The following VPS37A variants were observed in gnomAD, a reference collection of about 807,000 sequenced individuals.
VPS37A encodes vacuolar protein sorting-associated protein 37A.
In VPS37A, 30 loss-of-function variants were observed where a neutral mutation model predicts 49.8. The observed-to-expected ratio is 0.60, with a 90% CI of 0.45 to 0.82. The LOEUF (loss-of-function observed/expected upper bound fraction) is 0.82. VPS37A is among the 40% of genes least tolerant of loss of function. VPS37A has a pLI of 0.00. For synonymous variants in VPS37A, 195 were observed against 160.6 expected (o/e 1.21, Z -1.62); for missense variants, 593 against 464.4 (o/e 1.28, Z -2.55).
At chr8:17,259,032 T>G (rs1812741512) in intron 1 of VPS37A, among the ~76,000 whole-genome samples, 1 of 152,074 alleles carries the variant, frequency 6.6e-6, no homozygotes, top group Admixed American at 6.5e-5. Flanking sequence ...GATTTTATCT[T>G]TTCAAATAAC....
At chr8:17,263,278 G>C (rs934723854) in intron 1 of VPS37A, among the ~76,000 whole-genome samples, 1 of 151,774 alleles carries the variant, frequency 6.6e-6, no homozygotes, top group Non-Finnish European at 1.5e-5. Flanking sequence ...TGAATGTTTT[G>C]GAATAAGTTT....
chr8:17,315,833 G>T, the VPS37A span, among the ~76,000 whole-genome samples: 1 of 152,090 alleles, frequency 6.6e-6, no homozygotes, highest in African/African-American at 2.4e-5. Context: ...ATAAAGTAGT[G>T]AGACTCAGGC....
intron 1 of VPS37A, among the ~76,000 whole-genome samples, chr8:17,255,545 GATAA>G (rs1812367250): frequency 1.3e-5 from 2 of 152,044 alleles, no homozygotes; most frequent in Admixed American, 1.3e-4. Flanking sequence ...TAAACTAAGT[GATAA>G]ATTATTGTTT....
chr8:17,249,178 C>G (rs1160236648), intron 1 of VPS37A, among the ~76,000 whole-genome samples: 1 of 152,054 alleles, frequency 6.6e-6, no homozygotes, highest in Non-Finnish European at 1.5e-5. Context: ...TTAAATACTA[C>G]AAAGTCTCTT....
intron 11 of VPS37A, among the ~76,000 whole-genome samples, chr8:17,287,975 G>A (rs9325807): frequency 0.54 from 82,240 of 151,950 alleles, 25,162 homozygotes; most frequent in African/African-American, 0.82. Context: ...AATGACAGGC[G>A]TTTCTCATGT....
chr8:17,299,734 T>TA, downstream of VPS37A: 2 of 1,355,296 alleles, frequency 1.5e-6, no homozygotes, highest in Non-Finnish European at 2.0e-6. Context: ...TTTTCCCTTT[T>TA]CATAGCTGCA....
At chr8:17,266,742 G>A (rs375412971) in intron 2 of VPS37A, among the ~76,000 whole-genome samples, 1 of 152,108 alleles carries the variant, frequency 6.6e-6, no homozygotes, top group East Asian at 1.9e-4. Flanking sequence ...GAATATATAA[G>A]TGCTGTGTTA....
chr8:17,323,220 T>C, the VPS37A span, among the ~76,000 whole-genome samples: 1 of 152,016 alleles, frequency 6.6e-6, no homozygotes, highest in Non-Finnish European at 1.5e-5. Flanking sequence ...GTGCTGAGAT[T>C]ACAGGTATGA....
intron 1 of VPS37A, among the ~76,000 whole-genome samples, chr8:17,262,839 G>C (rs950094109): frequency 3.3e-5 from 5 of 152,064 alleles, no homozygotes; most frequent in East Asian, 1.9e-4. Context: ...GAGGCGGGCA[G>C]ATCACGAGGT....
chr8:17,330,545 C>T, the VPS37A span, among the ~76,000 whole-genome samples: 19 of 152,334 alleles, frequency 1.2e-4, no homozygotes, highest in African/African-American at 4.3e-4. Flanking sequence ...GGCTGGTTGG[C>T]CACATGAATA....
intron 4 of VPS37A, among the ~76,000 whole-genome samples, chr8:17,271,371 C>T (rs930846277): frequency 1.3e-5 from 2 of 151,980 alleles, no homozygotes; most frequent in East Asian, 3.9e-4. Context: ...TTTGGGAGGC[C>T]GAGGCAGGCG....
At chr8:17,325,587 C>T in the VPS37A span, among the ~76,000 whole-genome samples, 2 of 152,204 alleles carry the variant, frequency 1.3e-5, no homozygotes, top group South Asian at 2.1e-4. Flanking sequence ...CCTGAGCTGA[C>T]GCGGGGCCTG....
chr8:17,329,257 T>C, the VPS37A span, among the ~76,000 whole-genome samples: 2 of 152,194 alleles, frequency 1.3e-5, no homozygotes, highest in East Asian at 3.8e-4. Context: ...CAACACTTCA[T>C]CATCAGCTCA....
chr8:17,300,526 A>G (rs1382762654), downstream of VPS37A, among the ~76,000 whole-genome samples: 1 of 152,218 alleles, frequency 6.6e-6, no homozygotes, highest in African/African-American at 2.4e-5. Flanking sequence ...ACATGGTTTC[A>G]AATGATGAGT....
At chr8:17,291,430 AT>A (rs34051181) in intron 11 of VPS37A, among the ~76,000 whole-genome samples, 28,912 of 128,788 alleles carry the variant, frequency 0.22, 2,174 homozygotes, top group South Asian at 0.28. Flanking sequence ...GGATTCATTG[AT>A]TTTTTTTTTT....
At chr8:17,270,233 C>G (rs564712103) in intron 4 of VPS37A, among the ~76,000 whole-genome samples, 21 of 152,196 alleles carry the variant, frequency 1.4e-4, no homozygotes, top group African/African-American at 4.6e-4. Flanking sequence ...GGGAAAACAT[C>G]CAAACTATAT....
intron 11 of VPS37A, among the ~76,000 whole-genome samples, chr8:17,290,971 C>G (rs942959198): frequency 1.3e-5 from 2 of 152,104 alleles, no homozygotes; most frequent in East Asian, 1.9e-4. Flanking sequence ...ATAGTATTCT[C>G]TGATGGTAGG....
At chr8:17,261,667 T>C (rs1477714629) in intron 1 of VPS37A, among the ~76,000 whole-genome samples, 1 of 152,218 alleles carries the variant, frequency 6.6e-6, no homozygotes, top group Non-Finnish European at 1.5e-5. Flanking sequence ...TGGTTCTCAG[T>C]GGCACTTTAA....
downstream of VPS37A, chr8:17,301,769 T>A: frequency 4.4e-6 from 1 of 229,112 alleles, no homozygotes; most frequent in Non-Finnish European, 8.4e-6. Flanking sequence ...TAGATTAATA[T>A]CATAGTTAAC....
Sources: gnomAD v4.1 joint callset for allele counts (sites outside exome capture counted in the v4.1 genomes callset) on GRCh38, gnomAD v4.1.1 for gene constraint, MANE v1.5 for transcripts, NCBI Gene and HGNC (gene_info 2026-07-23, HGNC 2026-07-21) for gene names.